ACTL6A: variants seen among roughly 807,000 people sequenced by gnomAD.
The protein encoded by ACTL6A is actin-like protein 6A.
Under a neutral mutation model 59.2 loss-of-function variants are expected in ACTL6A, and 5 were observed. The ratio of observed to expected loss-of-function variants is 0.08; its 90% confidence interval spans 0.04 to 0.18. ACTL6A has a LOEUF of 0.18. Ranked by LOEUF, ACTL6A falls within the 10% of genes least tolerant of loss-of-function variation. ACTL6A has a pLI of 1.00. For synonymous variants in ACTL6A, 154 were observed against 171.8 expected, an observed-to-expected ratio of 0.90 and a Z score of 0.81; for missense variants, 285 against 526.9, an observed-to-expected ratio of 0.54 and a Z score of 4.49.
Position 179,563,129 on chromosome 3 carries a change from C to T in ACTL6A, c.25+12C>T. ...CGTGTACGGGGGAGGTGAGTGAGTG[C>T]GGCCGGACGAGAGAGCGCGCCTTTT... On this transcript the variant is annotated intron_variant, in intron 1 of 13. Transcript: ENST00000429709. The T allele has an allele frequency of 3.1e-6, 5 of 1,611,146 alleles. No individual in the cohort carries two copies. The highest frequency in any genetic ancestry group is 2.5e-6 in the Non-Finnish European group (3 of 1,178,990).
chr3:179,584,225 T>G (rs561945086), intron 12 of ACTL6A: 8 of 152,322 alleles, frequency 5.3e-5, no homozygotes, highest in South Asian at 4.1e-4. Flanking sequence ...TTTAAAAAGA[T>G]CAGTGGGTAT....
intron 1 of ACTL6A, among the ~76,000 whole-genome samples, chr3:179,569,342 A>G (rs933309986): frequency 1.3e-5 from 2 of 152,338 alleles, no homozygotes; most frequent in East Asian, 3.9e-4. Flanking sequence ...GTACTGGGGT[A>G]CTGTACTGTC....
rs1357694481 is a variant in ACTL6A at position 179,581,120 on chromosome 3, C to T, written c.946-20C>T. The T allele has an allele frequency of 2.5e-6, 4 of 1,611,956 alleles. No homozygotes were observed. The South Asian group carries it at 4.4e-5, about 18-fold the overall frequency. On this transcript the variant is annotated intron_variant, in intron 10 of 13. Coordinates refer to ENST00000429709, the MANE Select transcript of ACTL6A (RefSeq NM_004301.5). ...TGTATGAAGAGCTTCCATGTGACTA[C>T]TTGTTTTCTTTTGTTGTAGGGGTTA...
At chr3:179,585,338 G>A (rs980567670) in intron 12 of ACTL6A, among the ~76,000 whole-genome samples, 10 of 152,106 alleles carry the variant, frequency 6.6e-5, no homozygotes, top group Non-Finnish European at 1.5e-4. Context: ...CCGACCTCAG[G>A]TGATCCACCC....
At chr3:179,586,510 G>T in intron 12 of ACTL6A, 36 bp from the exon 13 acceptor site, 17 of 1,198,384 alleles carry the variant, frequency 1.4e-5, no homozygotes, top group Non-Finnish European at 1.8e-5. Flanking sequence ...TGAGTCACAA[G>T]ATTTGATTGT....
At chr3:179,586,665 T>G (rs201157486) in intron 13 of ACTL6A, 33 bp downstream of exon 13, 734 of 1,493,652 alleles carry the variant, frequency 4.9e-4, no homozygotes, top group Middle Eastern at 6.8e-4. Context: ...AAAAATATTC[T>G]TACTGAATTA....
chr3:179,574,841 C>T lies in ACTL6A; in HGVS notation c.476+374C>T, dbSNP rs1317378830. The T allele has an allele frequency of 1.6e-5, 3 of 183,634 alleles. No homozygotes were observed. The Admixed American group carries it at 1.7e-4, about 11-fold the overall frequency. 11.4% of individuals were successfully genotyped at this position (183,634 alleles called of 1,614,324 possible). A position where few individuals can be genotyped will look rare whatever the true frequency, so the allele number is the denominator to read the frequency against. ...TGGAAATTGGCTGTAAATTCATTCT[C>T]CTTCAAATTTAGTCAGTCATCAAAT... On this transcript the variant is annotated intron_variant, in intron 5 of 13. Coordinates refer to ENST00000429709, the MANE Select transcript of ACTL6A (RefSeq NM_004301.5).
Position 179,576,725 on chromosome 3 carries a change from A to T in ACTL6A, c.677A>T (p.Lys226Ile). The change falls in exon 7 of 14, where the codon AAA (lysine) becomes ATA (isoleucine). Residue 226 changes from lysine (K) to isoleucine (I), a missense_variant and splice_region_variant. Physicochemically the swap from Lys to Ile is moderately radical, Grantham distance 102 (BLOSUM62 -3). Transcript: ENST00000429709. ...ELVPPYMIAS[K>I]EAVREGSPAN... ...GTTCCTCCATATATGATTGCATCAA[A>T]AGTAAGTAATTATTGAATTTTCTTT... The T allele has an allele frequency of 6.2e-7, 1 of 1,612,052 alleles. No homozygotes were observed. Among genetic ancestry groups the T allele is most frequent in the Non-Finnish European group, 8.5e-7 (1 of 1,178,120 alleles).
intron 8 of ACTL6A, among the ~76,000 whole-genome samples, chr3:179,579,489 C>CACA (rs966245251): frequency 4.6e-5 from 7 of 151,400 alleles, no homozygotes; most frequent in Admixed American, 3.3e-4. Flanking sequence ...CACACACACA[C>CACA]ATTTTAAAGA....
At chr3:179,574,872 C>A (rs1301615267) in intron 5 of ACTL6A, 1 of 179,488 alleles carries the variant, frequency 5.6e-6, no homozygotes, top group Admixed American at 5.7e-5. Context: ...CAAATCCTGC[C>A]TGTTCTTCCC....
rs558148752 is a variant in ACTL6A, at chr3:179,570,628, T to A, written c.277+387T>A. ...ATCAATGAGTAAGAATTAGCTTGGCTGACAAAGCTGGGTAAAGCAAAGGGA... is the reference window on the plus strand; with the variant it reads ...ATCAATGAGTAAGAATTAGCTTGGCAGACAAAGCTGGGTAAAGCAAAGGGA... On this transcript the variant is annotated intron_variant, in intron 3 of 13. Coordinates refer to ENST00000429709, the MANE Select transcript of ACTL6A (RefSeq NM_004301.5). This position sits in a 1 kb window ranked among gnomAD's most constrained non-coding sequence, Gnocchi z 4.3. Among the ~76,000 whole-genome samples the A allele has an allele frequency of 6.6e-6, 1 of 152,294 alleles. No homozygotes were observed. Among genetic ancestry groups the A allele is most frequent in the African/African-American group, 2.4e-5 (1 of 41,560 alleles).
chr3:179,588,199 ATTC>A lies in ACTL6A; in HGVS notation c.*192_*194del, dbSNP rs1236374319. The A allele has an allele frequency of 4.8e-5, 22 of 458,376 alleles. No individual in the cohort carries two copies. Among genetic ancestry groups the A allele is most frequent in the Non-Finnish European group, 7.2e-5 (19 of 263,818 alleles). 28.4% of individuals were successfully genotyped at this position (458,376 alleles called of 1,614,324 possible). On this transcript the variant is annotated 3_prime_UTR_variant, in exon 14 of 14. Coordinates refer to ENST00000429709, the MANE Select transcript of ACTL6A (RefSeq NM_004301.5). ...TTTGTGCTTTCCTTGAAATGCACTT[ATTC>A]TTATTACAAGCATTTTATAATTTTG... is the stretch of plus-strand genomic sequence containing the variant.
chr3:179,572,976 T>G lies in ACTL6A; in HGVS notation c.278-393T>G, dbSNP rs1467802434. ...TGAGTGTCGGGTCTAGACCATACAA[T>G]TCTTTCTTTTTTTTTTTTTTTTATA... is the stretch of plus-strand genomic sequence containing the variant. On this transcript the variant is annotated intron_variant, in intron 3 of 13. Coordinates refer to ENST00000429709, the MANE Select transcript of ACTL6A (RefSeq NM_004301.5). Among the ~76,000 whole-genome samples the G allele has an allele frequency of 9.0e-5, 11 of 122,248 alleles. No homozygotes were observed. The Admixed American group carries it at 9.5e-4, about 11-fold the overall frequency. 80.2% of individuals were successfully genotyped at this position (122,248 alleles called of 152,430 possible). A position where few individuals can be genotyped will look rare whatever the true frequency, so the allele number is the denominator to read the frequency against.
intron 8 of ACTL6A, among the ~76,000 whole-genome samples, chr3:179,579,305 C>T (rs1382726053): frequency 1.3e-5 from 2 of 151,978 alleles, no homozygotes; most frequent in Non-Finnish European, 2.9e-5. Flanking sequence ...AATATTTTCT[C>T]CTATTCTGTA....
Position 179,570,903 on chromosome 3 carries a change from T to A in ACTL6A, c.277+662T>A, listed in dbSNP as rs1717984803. 6.6e-6 allele frequency among the ~76,000 whole-genome samples: 1 copy of A among 152,060 alleles called. No individual in the cohort carries two copies. Among genetic ancestry groups the A allele is most frequent in the Non-Finnish European group, 1.5e-5 (1 of 68,020 alleles). ...ACAGATGTGATGGTCAGAGTCCAGA[T>A]GAGAAATGAAAAAGGTTTAAACTAT... On this transcript the variant is annotated intron_variant, in intron 3 of 13. Coordinates refer to ENST00000429709, the MANE Select transcript of ACTL6A (RefSeq NM_004301.5). The surrounding 1 kb of genome is among the most constrained non-coding windows in gnomAD (Gnocchi z 4.3).
Position 179,576,295 on chromosome 3 carries a change from C to T in ACTL6A, c.555C>T (p.Gly185=). Reference sequence around the variant, plus strand: ...CCACTGCAATTCCAGTCCACGATGGCTATGTCCTTCAACAAGGTAAATGTA... The same window carrying T: ...CCACTGCAATTCCAGTCCACGATGGTTATGTCCTTCAACAAGGTAAATGTA... ...THTTAIPVHD[G]YVLQQGIVKS... is the part of the protein sequence containing the mutation. The change falls in exon 6 of 14, where the codon GGC becomes GGT. Residue 185 remains glycine, a synonymous_variant. Coordinates refer to ENST00000429709, the MANE Select transcript of ACTL6A (RefSeq NM_004301.5). 6.2e-7 allele frequency: 1 copy of T among 1,600,462 alleles called. No individual in the cohort carries two copies. The highest frequency in any genetic ancestry group is 8.5e-7 in the Non-Finnish European group (1 of 1,176,150).
intron 5 of ACTL6A, 145 bp downstream of exon 5, chr3:179,574,612 T>G: frequency 1.5e-6 from 1 of 671,044 alleles, no homozygotes; most frequent in Admixed American, 2.4e-5. Context: ...CTATTCATCT[T>G]TTAGTATTTC....
Position 179,588,403 on chromosome 3 carries a change from A to G in ACTL6A, c.*393A>G, listed in dbSNP as rs998974973. On this transcript the variant is annotated 3_prime_UTR_variant, in exon 14 of 14. Coordinates refer to ENST00000429709, the MANE Select transcript of ACTL6A (RefSeq NM_004301.5). ...TAAATAAAAATTAGCCATTCCAGAA[A>G]TATATTTTGGACTGTTGTGCACTGT... 3 of 185,690 alleles carry G rather than the reference A, an allele frequency of 1.6e-5. No individual in the cohort carries two copies. The highest frequency in any genetic ancestry group is 7.1e-5 in the African/African-American group (3 of 42,198). 11.5% of individuals were successfully genotyped at this position (185,690 alleles called of 1,614,324 possible).
At chr3:179,576,156 T>G in intron 5 of ACTL6A, 61 bp from the exon 6 acceptor site, 1 of 1,237,842 alleles carries the variant, frequency 8.1e-7, no homozygotes, top group South Asian at 1.2e-5. Flanking sequence ...GAGCCTGCCC[T>G]TTACAATAAA....
Sources: gnomAD v4.1 joint callset for allele counts (sites outside exome capture counted in the v4.1 genomes callset) on GRCh38, gnomAD v4.1.1 for gene constraint, Gnocchi (gnomAD v3.1) non-coding constraint, MANE v1.5 for transcripts, NCBI Gene and HGNC (gene_info 2026-07-23, HGNC 2026-07-21) for gene names.